Variants in GPC6 observed in about 807,000 individuals in gnomAD.
The protein encoded by GPC6 is glypican 6, also known as glypican-6.
A neutral mutation model predicts 55.2 loss-of-function variants in GPC6; 14 were observed. The ratio of observed to expected loss-of-function variants is 0.25; its 90% CI spans 0.17 to 0.40. The LOEUF (loss-of-function observed/expected upper bound fraction) is 0.40, where lower values mean the gene tolerates loss of function less well. Among genes scored for constraint, GPC6 ranks in the 10% least tolerant of loss-of-function variants. The pLI is 1.00. For missense variants in GPC6, 641 were observed against 708.5 expected (o/e 0.90, Z 1.08); for synonymous variants, 278 against 259.6 (o/e 1.07, Z -0.68).
chr13:93,261,969 T>C (rs1386081758), intron 1 of GPC6, among the ~76,000 whole-genome samples: 5 of 139,070 alleles, frequency 3.6e-5, no homozygotes, highest in African/African-American at 1.0e-4. Flanking sequence ...CACACACACT[T>C]GCATATATTA....
chr13:94,146,842 A>T (rs1375285449), intron 4 of GPC6, among the ~76,000 whole-genome samples: 2 of 152,218 alleles, frequency 1.3e-5, no homozygotes, highest in Non-Finnish European at 2.9e-5. Flanking sequence ...ATGAGCGTTG[A>T]TAATTATTTT....
At chr13:93,255,055 A>C (rs903030151) in intron 1 of GPC6, among the ~76,000 whole-genome samples, 1 of 152,224 alleles carries the variant, frequency 6.6e-6, no homozygotes, top group South Asian at 2.1e-4. Context: ...TCTGTGCTGC[A>C]GTGGGCAGCC....
rs76565630 is a variant in GPC6, at chr13:93,979,600, C to T, written c.712-48129C>T. Reference sequence around the variant, plus strand: ...TGAAAGTAAGCATTTAGAAGACTTACAGCCGCTTGATATTGACATAGCATT... The same window carrying T: ...TGAAAGTAAGCATTTAGAAGACTTATAGCCGCTTGATATTGACATAGCATT... On this transcript the variant is annotated intron_variant, in intron 3 of 8. Coordinates refer to ENST00000377047, the MANE Select transcript of GPC6 (RefSeq NM_005708.5). Among the ~76,000 whole-genome samples, 1,508 of 152,164 alleles carry T rather than the reference C, an allele frequency of 9.9e-3. 25 individuals carry two copies. Among genetic ancestry groups the T allele is most frequent in the African/African-American group, 0.035 (1,442 of 41,520 alleles).
intron 4 of GPC6, among the ~76,000 whole-genome samples, chr13:94,091,676 G>A (rs894691488): frequency 6.6e-6 from 1 of 152,038 alleles, no homozygotes; most frequent in Non-Finnish European, 1.5e-5. Flanking sequence ...TCACTAGGTG[G>A]TTATTTAAAT....
chr13:93,611,402 A>G (rs1029346672), intron 2 of GPC6, among the ~76,000 whole-genome samples: 1 of 152,152 alleles, frequency 6.6e-6, no homozygotes, highest in African/African-American at 2.4e-5. Flanking sequence ...CTAAAGATTA[A>G]TAAAAGAAGA....
At chr13:93,316,588 C>T (rs1879257663) in intron 1 of GPC6, among the ~76,000 whole-genome samples, 1 of 152,024 alleles carries the variant, frequency 6.6e-6, no homozygotes, top group Non-Finnish European at 1.5e-5. Context: ...CATTGGAAAA[C>T]AGCAGCTTTT....
intron 1 of GPC6, among the ~76,000 whole-genome samples, chr13:93,466,095 T>C (rs1878893502): frequency 1.3e-5 from 2 of 152,082 alleles, no homozygotes; most frequent in South Asian, 4.1e-4. Context: ...AAGGAAAAGT[T>C]TGAAATATTG....
chr13:93,888,203 G>A (rs115082389), intron 3 of GPC6, among the ~76,000 whole-genome samples: 45 of 152,246 alleles, frequency 3.0e-4, no homozygotes, highest in African/African-American at 9.9e-4. Context: ...TCCAAGTTGA[G>A]GGCACTTTTT....
At chr13:94,247,327 A>G (rs1175621391) in intron 4 of GPC6, among the ~76,000 whole-genome samples, 3 of 152,028 alleles carry the variant, frequency 2.0e-5, no homozygotes, top group Non-Finnish European at 4.4e-5. Context: ...CCTGATTTAG[A>G]TACCTTTCAT....
chr13:94,109,413 T>C (rs1379453235), intron 4 of GPC6, among the ~76,000 whole-genome samples: 1 of 152,158 alleles, frequency 6.6e-6, no homozygotes, highest in African/African-American at 2.4e-5. Flanking sequence ...CACTAGATGG[T>C]ATATTTCTTA....
At chr13:93,719,219 G>A (rs1344659247) in intron 2 of GPC6, among the ~76,000 whole-genome samples, 1 of 152,082 alleles carries the variant, frequency 6.6e-6, no homozygotes, top group Non-Finnish European at 1.5e-5. Context: ...CCATGAGCAT[G>A]GAATGTTTTT....
At chr13:94,343,644 C>T (rs933774052) in intron 6 of GPC6, among the ~76,000 whole-genome samples, 50 of 152,238 alleles carry the variant, frequency 3.3e-4, no homozygotes, top group African/African-American at 1.1e-3. Flanking sequence ...ACAAGGGGCT[C>T]AGGACACAAC....
rs769823137 is a variant in GPC6 at position 94,027,739 on chromosome 13, C to T, written c.722C>T (p.Thr241Ile). ...GCAATAAATCTGCAGGTCAGCCCAA[C>T]CCCAGGGTGTATCCGTGCCCTCATG... is the stretch of plus-strand genomic sequence containing the variant. ...VANRVSKVSP[T>I]PGCIRALMKM... is the part of the protein sequence containing the mutation. Residue 241 changes from threonine (T) to isoleucine (I), a missense_variant, in exon 4 of 9, where the codon ACC becomes ATC. Thr to Ile is a moderately conservative substitution (Grantham distance 89). Coordinates refer to ENST00000377047, the MANE Select transcript of GPC6 (RefSeq NM_005708.5). 23 of 1,613,808 alleles carry T rather than the reference C, an allele frequency of 1.4e-5. No individual in the cohort carries two copies. The South Asian group carries it at 1.8e-4, about 12-fold the overall frequency.
At chr13:93,878,288 G>C (rs1020273130) in intron 3 of GPC6, among the ~76,000 whole-genome samples, 9 of 151,994 alleles carry the variant, frequency 5.9e-5, no homozygotes, top group African/African-American at 2.2e-4. Flanking sequence ...CCACCCTCAT[G>C]GATGAGATTA....
At chr13:94,178,078 G>T (rs1317478672) in intron 4 of GPC6, among the ~76,000 whole-genome samples, 1 of 145,248 alleles carries the variant, frequency 6.9e-6, no homozygotes, top group Non-Finnish European at 1.5e-5. Flanking sequence ...GAGTGCAGTG[G>T]TGCGATCTCA....
intron 4 of GPC6, among the ~76,000 whole-genome samples, chr13:94,132,036 C>T (rs2138867452): frequency 6.6e-6 from 1 of 152,204 alleles, no homozygotes; most frequent in East Asian, 1.9e-4. Context: ...CTCGTTTGAC[C>T]TTGGAACCCT....
chr13:93,627,250 G>C (rs532842974), intron 2 of GPC6, among the ~76,000 whole-genome samples: 30 of 151,978 alleles, frequency 2.0e-4, no homozygotes, highest in African/African-American at 6.8e-4. Context: ...GAGAACATGT[G>C]GTGTTTGGTT....
chr13:93,444,737 AG>A, intron 1 of GPC6, among the ~76,000 whole-genome samples: 1 of 152,350 alleles, frequency 6.6e-6, no homozygotes, highest in East Asian at 1.9e-4. Flanking sequence ...TGTAATTCAA[AG>A]CTTTGAATAT....
At chr13:93,693,289 G>A (rs974107807) in intron 2 of GPC6, among the ~76,000 whole-genome samples, 5 of 152,072 alleles carry the variant, frequency 3.3e-5, no homozygotes, top group African/African-American at 1.2e-4. Context: ...GTCTAAAACA[G>A]TAAAGGTAGT....
Sources: gnomAD v4.1 joint callset for allele counts (sites outside exome capture counted in the v4.1 genomes callset) on GRCh38, gnomAD v4.1.1 for gene constraint, MANE v1.5 for transcripts, NCBI Gene and HGNC (gene_info 2026-07-23, HGNC 2026-07-21) for gene names.